The following CACNB2 variants were observed in gnomAD, a reference collection of about 807,000 sequenced individuals.
The protein encoded by CACNB2 is calcium voltage-gated channel auxiliary subunit beta 2.
A neutral mutation model predicts 73.3 loss-of-function variants in CACNB2; 42 were observed. The observed-to-expected ratio is 0.57, with a 90% CI of 0.45 to 0.74. The LOEUF is 0.74. Among genes scored for constraint, CACNB2 ranks in the 30% least tolerant of loss-of-function variants. The probability of loss-of-function intolerance (pLI) is 0.00; values close to 1 mark genes in which losing one functional copy is unlikely to be tolerated. For synonymous variants in CACNB2, 348 were observed against 310.3 expected, an observed-to-expected ratio of 1.12 and a Z score of -1.28; for missense variants, 940 against 853.0, an observed-to-expected ratio of 1.10 and a Z score of -1.27.
At chr10:18,226,556 T>A (rs1173121533) in intron 2 of CACNB2, among the ~76,000 whole-genome samples, 1 of 152,168 alleles carries the variant, frequency 6.6e-6, no homozygotes, top group Non-Finnish European at 1.5e-5. Flanking sequence ...AGATGGGGAT[T>A]TAAAACCTGA....
At chr10:18,212,554 A>G (rs1409775926) in intron 2 of CACNB2, among the ~76,000 whole-genome samples, 1 of 151,916 alleles carries the variant, frequency 6.6e-6, no homozygotes, top group Non-Finnish European at 1.5e-5. Flanking sequence ...TCCATTTCTC[A>G]TCTTGTAAGA....
intron 2 of CACNB2, among the ~76,000 whole-genome samples, chr10:18,258,644 T>C (rs2037386574): frequency 6.6e-6 from 1 of 152,126 alleles, no homozygotes; most frequent in African/African-American, 2.4e-5. Context: ...GAGAATCACT[T>C]GAACCCAGGA....
At chr10:18,520,379 A>C (rs891036306) in intron 9 of CACNB2, among the ~76,000 whole-genome samples, 24 of 152,306 alleles carry the variant, frequency 1.6e-4, no homozygotes, top group South Asian at 4.1e-4. Flanking sequence ...ATATATTCAG[A>C]ATCGAAGCCC....
At chr10:18,454,424 T>A (rs1354540776) in intron 3 of CACNB2, among the ~76,000 whole-genome samples, 1 of 152,210 alleles carries the variant, frequency 6.6e-6, no homozygotes, top group East Asian at 1.9e-4. Flanking sequence ...TAAAATTTCA[T>A]ACCACAGACA....
At chr10:18,283,305 C>G (rs996214376) in intron 2 of CACNB2, among the ~76,000 whole-genome samples, 4 of 152,188 alleles carry the variant, frequency 2.6e-5, no homozygotes, top group African/African-American at 2.4e-5. Flanking sequence ...TTTGACCCAA[C>G]CATCCCATTA....
chr10:18,171,551 G>GAAAAAAAAAAAAC (rs2033243107), intron 2 of CACNB2, among the ~76,000 whole-genome samples: 1 of 55,784 alleles, frequency 1.8e-5, no homozygotes, highest in Non-Finnish European at 3.9e-5. Context: ...AAAAAAAAAG[G>GAAAAAAAAAAAAC]CTATTTGTTC....
At chr10:18,305,469 C>G (rs1226648634) in intron 2 of CACNB2, among the ~76,000 whole-genome samples, 1 of 152,122 alleles carries the variant, frequency 6.6e-6, no homozygotes, top group Non-Finnish European at 1.5e-5. Flanking sequence ...AAAATTAACT[C>G]AATAATATCT....
chr10:18,207,727 T>C (rs2035154566), intron 2 of CACNB2, among the ~76,000 whole-genome samples: 1 of 152,250 alleles, frequency 6.6e-6, no homozygotes, highest in African/African-American at 2.4e-5. Flanking sequence ...GGGCATGATG[T>C]ATTATGTTGC....
At position 18,151,271 on chromosome 10, in the gene CACNB2, TTG is replaced by T. The variant is rs201132321; in HGVS notation, c.213+298_213+299del. 4.3e-4 allele frequency: 129 copies of T among 300,526 alleles called. No individual in the cohort carries two copies. The East Asian group carries it at 7.1e-3, about 17-fold the overall frequency. 18.6% of individuals were successfully genotyped at this position (300,526 alleles called of 1,614,324 possible). The stretch of plus-strand genomic sequence containing the variant: ...AGAAATGATTATGGATTTGGGGGGA[TTG>T]TTTTTTTTTTTTTTCAGTGGGACAG... On this transcript the variant is annotated intron_variant, in intron 2 of 13. Transcript: ENST00000324631.
At chr10:18,388,293 C>A (rs2043319219) in intron 2 of CACNB2, among the ~76,000 whole-genome samples, 1 of 152,130 alleles carries the variant, frequency 6.6e-6, no homozygotes, top group African/African-American at 2.4e-5. Flanking sequence ...TGAATATAGT[C>A]TAGATTTTCT....
At chr10:18,270,160 C>T (rs1342180693) in intron 2 of CACNB2, among the ~76,000 whole-genome samples, 2 of 152,122 alleles carry the variant, frequency 1.3e-5, no homozygotes, top group African/African-American at 4.8e-5. Context: ...GAAATAAGGA[C>T]CTTCTTCACG....
chr10:18,179,237 A>G (rs984435324), intron 2 of CACNB2, among the ~76,000 whole-genome samples: 1 of 152,232 alleles, frequency 6.6e-6, no homozygotes, highest in African/African-American at 2.4e-5. Context: ...AAGTCTGGAC[A>G]GAAAAAGAAA....
intron 7 of CACNB2, among the ~76,000 whole-genome samples, chr10:18,516,291 T>C (rs2051276162): frequency 6.6e-6 from 1 of 152,068 alleles, no homozygotes; most frequent in Non-Finnish European, 1.5e-5. Context: ...GCGTCATTCT[T>C]CATAGGGCAC....
chr10:18,358,275 A>G (rs555157658), intron 2 of CACNB2, among the ~76,000 whole-genome samples: 54 of 152,214 alleles, frequency 3.5e-4, no homozygotes, highest in African/African-American at 1.3e-3. Context: ...TTTAGTAGAG[A>G]TGGGTTTTCA....
rs540150313 is a variant in CACNB2, at chr10:18,353,381, G to A, written c.214-48543G>A. Among the ~76,000 whole-genome samples the A allele has an allele frequency of 2.0e-5, 3 of 150,688 alleles. No individual in the cohort carries two copies. In the East Asian group the frequency reaches 5.8e-4, roughly 29 times the overall value. ...GCTGAGATTGTGCTGCTGCACTCTA[G>A]CCTGGGCAACAGAGCAAGACTCTGT... On this transcript the variant is annotated intron_variant, in intron 2 of 13. Transcript: ENST00000324631.
chr10:18,405,914 C>G (rs1024470681), intron 3 of CACNB2, among the ~76,000 whole-genome samples: 5 of 152,044 alleles, frequency 3.3e-5, no homozygotes, highest in African/African-American at 1.2e-4. Flanking sequence ...GCTGAGATCT[C>G]TTGCTCTCAC....
chr10:18,212,273 A>G (rs2035347766), intron 2 of CACNB2, among the ~76,000 whole-genome samples: 1 of 152,142 alleles, frequency 6.6e-6, no homozygotes, highest in South Asian at 2.1e-4. Flanking sequence ...CATTTTATGA[A>G]CTCTTGGAAA....
At chr10:18,522,535 G>A (rs952228946) in intron 9 of CACNB2, among the ~76,000 whole-genome samples, 1 of 152,026 alleles carries the variant, frequency 6.6e-6, no homozygotes, top group Non-Finnish European at 1.5e-5. Flanking sequence ...TTTTGGCAGG[G>A]GAGGCAAGGG....
At chr10:18,508,148 A>G (rs777370716) in intron 6 of CACNB2, among the ~76,000 whole-genome samples, 2 of 152,204 alleles carry the variant, frequency 1.3e-5, no homozygotes, top group African/African-American at 2.4e-5. Context: ...TAGAATTCCA[A>G]GTTCTACACA....
Sources: gnomAD v4.1 joint callset for allele counts (sites outside exome capture counted in the v4.1 genomes callset) on GRCh38, gnomAD v4.1.1 for gene constraint, MANE v1.5 for transcripts, NCBI Gene and HGNC (gene_info 2026-07-23, HGNC 2026-07-21) for gene names.